ABTB2: variants seen among roughly 807,000 people sequenced by gnomAD.
ABTB2 encodes the protein ankyrin repeat and BTB/POZ domain-containing protein 2.
In ABTB2, 56 loss-of-function variants were observed where a neutral mutation model predicts 104.1. The ratio of observed to expected loss-of-function variants is 0.54; its 90% CI spans 0.43 to 0.67. The LOEUF (loss-of-function observed/expected upper bound fraction) is 0.67, where lower values mean the gene tolerates loss of function less well. Among genes scored for constraint, ABTB2 ranks in the 30% least tolerant of loss-of-function variants. The pLI is 0.00. For synonymous variants in ABTB2, 606 were observed against 608.2 expected (o/e 1.00, Z 0.05); for missense variants, 1,279 against 1,407.7 (o/e 0.91, Z 1.46).
At chr11:34,212,599 G>A (rs1853494464) in intron 1 of ABTB2, among the ~76,000 whole-genome samples, 1 of 152,200 alleles carries the variant, frequency 6.6e-6, no homozygotes, top group Non-Finnish European at 1.5e-5. Context: ...CAGTGTGTCT[G>A]ATACTGGAGT....
chr11:34,168,686 A>G (rs1026680806), intron 5 of ABTB2, among the ~76,000 whole-genome samples: 1 of 152,230 alleles, frequency 6.6e-6, no homozygotes, highest in Non-Finnish European at 1.5e-5. Context: ...TGTGAAGCCC[A>G]AGCTTTGCGC....
At chr11:34,334,768 GT>G (rs34761456) in intron 1 of ABTB2, among the ~76,000 whole-genome samples, 68,459 of 145,618 alleles carry the variant, frequency 0.47, 16,522 homozygotes, top group South Asian at 0.64. Flanking sequence ...TAATATTTGG[GT>G]TTTTTTTTTT....
intron 3 of ABTB2, among the ~76,000 whole-genome samples, chr11:34,191,061 C>A (rs1265302485): frequency 2.0e-5 from 3 of 152,168 alleles, no homozygotes; most frequent in Non-Finnish European, 2.9e-5. Flanking sequence ...TGAGATAACA[C>A]CTCTGGGATG....
intron 8 of ABTB2, among the ~76,000 whole-genome samples, 166 bp downstream of exon 8, chr11:34,165,094 G>T (rs144058247): frequency 1.6e-4 from 24 of 152,314 alleles, no homozygotes; most frequent in African/African-American, 5.8e-4. Context: ...GAAACTGATG[G>T]GTGGGGCCAG....
intron 1 of ABTB2, among the ~76,000 whole-genome samples, chr11:34,277,155 G>A (rs921443491): frequency 6.6e-6 from 1 of 152,194 alleles, no homozygotes; most frequent in African/African-American, 2.4e-5. Flanking sequence ...ACCCGACTCA[G>A]CCTCTCAAAG....
chr11:34,279,931 G>A (rs1356123213), intron 1 of ABTB2, among the ~76,000 whole-genome samples: 2 of 151,712 alleles, frequency 1.3e-5, no homozygotes, highest in African/African-American at 4.8e-5. Flanking sequence ...TGGGACTACA[G>A]GTGCGTGCCA....
intron 4 of ABTB2, 24 bp downstream of exon 4, chr11:34,173,130 GC>G (rs747708986): frequency 6.2e-7 from 1 of 1,613,140 alleles, no homozygotes; most frequent in African/African-American, 1.3e-5. Flanking sequence ...GGATGCCGGG[GC>G]CCTCCCTCCT....
At chr11:34,334,519 T>A (rs934789278) in intron 1 of ABTB2, among the ~76,000 whole-genome samples, 1 of 152,214 alleles carries the variant, frequency 6.6e-6, no homozygotes, top group Non-Finnish European at 1.5e-5. Flanking sequence ...CAAATTGGAT[T>A]TATCATAATC....
intron 1 of ABTB2, among the ~76,000 whole-genome samples, chr11:34,317,143 T>C (rs564626570): frequency 1.4e-4 from 21 of 152,356 alleles, no homozygotes; most frequent in African/African-American, 5.1e-4. Flanking sequence ...CATAGGTTTT[T>C]GGATGTTTAA....
Position 34,152,576 on chromosome 11 carries a change from A to AT in ABTB2, c.2888dup (p.Asn963LysfsTer10). 1 of 1,580,424 alleles carries AT rather than the reference A, an allele frequency of 6.3e-7. No homozygotes were observed. The highest frequency in any genetic ancestry group is 1.7e-4 in the Middle Eastern group (1 of 5,936). On this transcript the variant is annotated frameshift_variant, in exon 17 of 17. Transcript: ENST00000435224. LOFTEE classifies it high-confidence loss of function. The stretch of plus-strand genomic sequence containing the variant: ...CACAGAACAGGGCCAGTTCTGGGGC[A>AT]TTGTGGATCTGTAGGGCAGAGAGAG...
intron 1 of ABTB2, among the ~76,000 whole-genome samples, chr11:34,293,063 G>C (rs1010784127): frequency 1.6e-4 from 25 of 152,188 alleles, no homozygotes; most frequent in Admixed American, 3.3e-4. Flanking sequence ...AGTGAGGGCT[G>C]TGCCTCAGAC....
chr11:34,163,407 C>G lies in ABTB2; in HGVS notation c.1989-602G>C, dbSNP rs543051910. 2.0e-4 allele frequency among the ~76,000 whole-genome samples: 31 copies of G among 152,318 alleles called. 2 individuals are homozygous for G. The highest frequency in any genetic ancestry group is 1.3e-4 in the Admixed American group (2 of 15,304). On this transcript the variant is annotated intron_variant, in intron 9 of 16. Coordinates refer to ENST00000435224, the MANE Select transcript of ABTB2 (RefSeq NM_145804.3). Reference sequence around the variant, plus strand: ...AGAATGTTAGACCCCACAGAGGACGCTCCCCCGTGCTGCTGCTTTTAGCCT... The same window carrying G: ...AGAATGTTAGACCCCACAGAGGACGGTCCCCCGTGCTGCTGCTTTTAGCCT...
chr11:34,174,007 G>A (rs905935969), intron 3 of ABTB2, among the ~76,000 whole-genome samples: 11 of 152,162 alleles, frequency 7.2e-5, no homozygotes, highest in Non-Finnish European at 1.3e-4. Context: ...TCGTGTGCCA[G>A]GCCAGGTTGC....
chr11:34,191,322 A>G (rs1713881343), intron 3 of ABTB2, among the ~76,000 whole-genome samples: 1 of 152,200 alleles, frequency 6.6e-6, no homozygotes, highest in Non-Finnish European at 1.5e-5. Flanking sequence ...TGGAACCCAG[A>G]GCACTGACAC....
intron 1 of ABTB2, among the ~76,000 whole-genome samples, chr11:34,351,154 C>CTTCCCATTCTTGGGATGCCAACCCAGGAA (rs879380993): frequency 7.1e-4 from 108 of 152,340 alleles, no homozygotes; most frequent in Non-Finnish European, 1.4e-3. Flanking sequence ...TGTTTCAGAA[C>CTTCCCATTCTTGGGATGCCAACCCAGGAA]TTCCCATTCT....
chr11:34,280,746 A>G (rs1854440470), intron 1 of ABTB2, among the ~76,000 whole-genome samples: 1 of 152,140 alleles, frequency 6.6e-6, no homozygotes, highest in South Asian at 2.1e-4. Flanking sequence ...CGAGGTAAGT[A>G]TCTAATCCCT....
chr11:34,155,469 ACT>A (rs1248744644), intron 14 of ABTB2, among the ~76,000 whole-genome samples: 1 of 152,094 alleles, frequency 6.6e-6, no homozygotes, highest in Non-Finnish European at 1.5e-5. Context: ...TCAGTTACAA[ACT>A]CTGCCATCAC....
At chr11:34,213,819 C>T (rs546793981) in intron 1 of ABTB2, among the ~76,000 whole-genome samples, 1 of 152,152 alleles carries the variant, frequency 6.6e-6, no homozygotes, top group Non-Finnish European at 1.5e-5. Flanking sequence ...GCAATAGTCA[C>T]AACATTGGGC....
chr11:34,357,563 C>G lies in ABTB2; in HGVS notation c.21G>C (p.Ser7=). 2 of 1,520,796 alleles carry G rather than the reference C, an allele frequency of 1.3e-6. No individual in the cohort carries two copies. The highest frequency in any genetic ancestry group is 1.2e-5 in the South Asian group (1 of 83,364). The allele number at this position is 1,520,796 out of a possible 1,614,324, so 94.2% of individuals were successfully genotyped here. A position where few individuals can be genotyped will look rare whatever the true frequency, so the allele number is the denominator to read the frequency against. The change falls in exon 1 of 17, where the codon TCG becomes TCC. Residue 7 remains serine, a synonymous_variant. Transcript: ENST00000435224. Reference sequence around the variant, plus strand: ...TCAAGTCCTCCAGCGTCTTCAGAGTCGAGCTGTACGTCCCGGCCATGGGGA... The same window carrying G: ...TCAAGTCCTCCAGCGTCTTCAGAGTGGAGCTGTACGTCCCGGCCATGGGGA... The part of the protein sequence containing the change: MAGTYS[S]TLKTLEDLTL...
Sources: gnomAD v4.1 joint callset for allele counts (sites outside exome capture counted in the v4.1 genomes callset) on GRCh38, gnomAD v4.1.1 for gene constraint, MANE v1.5 for transcripts, NCBI Gene and HGNC (gene_info 2026-07-23, HGNC 2026-07-21) for gene names.